Variants in GRM7 observed in about 807,000 individuals in gnomAD.
GRM7 encodes glutamate metabotropic receptor 7, also known as metabotropic glutamate receptor 7.
Under a neutral mutation model 84.5 loss-of-function variants are expected in GRM7, and 35 were observed. That is an observed-to-expected ratio of 0.41 (90% CI 0.32 to 0.55). The LOEUF is 0.55. Among genes scored for constraint, GRM7 ranks in the 20% least tolerant of loss-of-function variants. GRM7 has a pLI of 0.19. For missense variants in GRM7, 1,003 were observed against 1,194.6 expected (o/e 0.84, Z 2.36); for synonymous variants, 487 against 455.1 (o/e 1.07, Z -0.89).
intron 8 of GRM7, among the ~76,000 whole-genome samples, chr3:7,662,478 C>CTTGA (rs1243190592): frequency 6.6e-6 from 1 of 151,950 alleles, no homozygotes; most frequent in Non-Finnish European, 1.5e-5. Flanking sequence ...ATGTATGAAC[C>CTTGA]TTGATTGTAT....
intron 8 of GRM7, among the ~76,000 whole-genome samples, chr3:7,611,497 A>C (rs1696844738): frequency 6.6e-6 from 1 of 152,124 alleles, no homozygotes; most frequent in African/African-American, 2.4e-5. Flanking sequence ...CATGCCTAAC[A>C]ATCAGCCAAG....
intron 9 of GRM7, 43 bp from the exon 10 acceptor site, chr3:7,740,313 AC>A (rs1225359914): frequency 7.1e-6 from 9 of 1,267,962 alleles, no homozygotes; most frequent in Non-Finnish European, 1.0e-5. Flanking sequence ...ACCTTTGCAA[AC>A]AGGGTTATTA....
At chr3:7,460,595 CAGAT>C (rs1698206011) in intron 6 of GRM7, among the ~76,000 whole-genome samples, 1 of 152,062 alleles carries the variant, frequency 6.6e-6, no homozygotes, top group Non-Finnish European at 1.5e-5. Context: ...AGCCTATAGA[CAGAT>C]AGCAGTCATA....
intron 1 of GRM7, among the ~76,000 whole-genome samples, chr3:6,953,529 C>A (rs930113081): frequency 6.6e-6 from 1 of 152,210 alleles, no homozygotes; most frequent in African/African-American, 2.4e-5. Context: ...AACTCTGATG[C>A]TGTGCAGTAG....
At chr3:7,579,423 C>A (rs1695134452) in intron 8 of GRM7, 66 bp downstream of exon 8, 4 of 889,526 alleles carry the variant, frequency 4.5e-6, no homozygotes, top group Admixed American at 2.8e-5. Flanking sequence ...GTACTGAAAC[C>A]AAATTGATTG....
chr3:7,300,984 A>G (rs1466023094), intron 3 of GRM7, among the ~76,000 whole-genome samples: 1 of 152,168 alleles, frequency 6.6e-6, no homozygotes, highest in African/African-American at 2.4e-5. Flanking sequence ...CTAATGCTTC[A>G]TATTTAATAA....
chr3:7,629,612 C>A (rs2125095142), intron 8 of GRM7, among the ~76,000 whole-genome samples: 1 of 152,260 alleles, frequency 6.6e-6, no homozygotes, highest in East Asian at 1.9e-4. Flanking sequence ...CTGCCTCATA[C>A]AAATGGTATG....
At position 6,863,142 on chromosome 3, in the gene GRM7, G is replaced by GT. The variant is rs142151300; in HGVS notation, c.519+1241dup. 2 of 314,040 alleles carry GT rather than the reference G, an allele frequency of 6.4e-6. No homozygotes were observed. Among genetic ancestry groups the GT allele is most frequent in the Non-Finnish European group, 1.3e-5 (2 of 159,898 alleles). The allele number at this position is 314,040 out of a possible 1,614,324, so 19.5% of individuals were successfully genotyped here. A position where few individuals can be genotyped will look rare whatever the true frequency, so the allele number is the denominator to read the frequency against. On this transcript the variant is annotated intron_variant, in intron 1 of 9. Transcript: ENST00000357716. The surrounding 1 kb of genome is among the most constrained non-coding windows in gnomAD (Gnocchi z 4.8). The stretch of plus-strand genomic sequence containing the variant: ...TCCTTGCTGTTTTTTTTTTCTCTCT[G>GT]TTTTTTCTCTCCTTTTCAATCTCTC...
At chr3:7,103,355 A>C (rs1170364058) in intron 1 of GRM7, among the ~76,000 whole-genome samples, 1 of 151,782 alleles carries the variant, frequency 6.6e-6, no homozygotes, top group African/African-American at 2.4e-5. Context: ...TAGGAGTCAG[A>C]TTCTAAATTC....
intron 1 of GRM7, among the ~76,000 whole-genome samples, chr3:7,022,615 A>G (rs1477582578): frequency 6.6e-6 from 1 of 152,156 alleles, no homozygotes; most frequent in Non-Finnish European, 1.5e-5. Flanking sequence ...TAATATGTGC[A>G]TCCTTATATT....
intron 1 of GRM7, among the ~76,000 whole-genome samples, chr3:6,975,130 G>A (rs377125164): frequency 7.2e-5 from 11 of 152,128 alleles, no homozygotes; most frequent in East Asian, 3.9e-4. Context: ...CTGCAGATGC[G>A]TGGAGGTAAG....
At chr3:7,174,602 A>G (rs2125091125) in intron 2 of GRM7, among the ~76,000 whole-genome samples, 1 of 152,324 alleles carries the variant, frequency 6.6e-6, no homozygotes, top group Non-Finnish European at 1.5e-5. Context: ...TGCCTTGGTC[A>G]GTAGTCCTTG....
intron 2 of GRM7, among the ~76,000 whole-genome samples, chr3:7,242,571 G>A (rs1418656491): frequency 1.3e-5 from 2 of 152,160 alleles, no homozygotes; most frequent in Non-Finnish European, 2.9e-5. Flanking sequence ...ATTGATGGGT[G>A]TCAGTCAAGT....
At chr3:7,092,800 C>G (rs1698717411) in intron 1 of GRM7, among the ~76,000 whole-genome samples, 1 of 152,194 alleles carries the variant, frequency 6.6e-6, no homozygotes, top group African/African-American at 2.4e-5. Context: ...AGAGAAATTA[C>G]TGACTGGGCA....
chr3:7,153,185 G>A (rs145266073), intron 2 of GRM7, among the ~76,000 whole-genome samples: 998 of 82,540 alleles, frequency 0.012, 13 homozygotes, highest in African/African-American at 0.044. Flanking sequence ...AGCCTCCTTT[G>A]TTTCTGCTTA....
At chr3:7,134,169 G>A (rs1016656214) in intron 1 of GRM7, among the ~76,000 whole-genome samples, 7 of 152,074 alleles carry the variant, frequency 4.6e-5, no homozygotes, top group East Asian at 3.9e-4. Flanking sequence ...TAAGATTAGC[G>A]TCATTTTTCT....
At chr3:7,411,914 C>A (rs1695954598) in intron 4 of GRM7, among the ~76,000 whole-genome samples, 2 of 152,052 alleles carry the variant, frequency 1.3e-5, no homozygotes, top group African/African-American at 4.8e-5. Context: ...GCACTCTCAG[C>A]AACAGGGAAT....
At chr3:7,542,826 G>C (rs553919727) in intron 7 of GRM7, among the ~76,000 whole-genome samples, 21 of 152,222 alleles carry the variant, frequency 1.4e-4, no homozygotes, top group Non-Finnish European at 2.4e-4. Flanking sequence ...GATTACAGGC[G>C]TGAGCCACTG....
At chr3:7,567,138 T>C (rs146215685) in intron 7 of GRM7, among the ~76,000 whole-genome samples, 2 of 152,360 alleles carry the variant, frequency 1.3e-5, no homozygotes, top group African/African-American at 4.8e-5. Context: ...ATTTGTTTAC[T>C]CTATATGTCC....
Sources: gnomAD v4.1 joint callset for allele counts (sites outside exome capture counted in the v4.1 genomes callset) on GRCh38, gnomAD v4.1.1 for gene constraint, Gnocchi (gnomAD v3.1) non-coding constraint, MANE v1.5 for transcripts, NCBI Gene and HGNC (gene_info 2026-07-23, HGNC 2026-07-21) for gene names.